The following ADGRB3 variants were observed in gnomAD, a reference collection of about 807,000 sequenced individuals.
ADGRB3 encodes adhesion G protein-coupled receptor B3, also known as brain-specific angiogenesis inhibitor 3.
ADGRB3 carries 37 observed loss-of-function variants against 193.4 expected under a neutral mutation model. That is an observed-to-expected ratio of 0.19 (90% CI 0.15 to 0.25). The LOEUF (loss-of-function observed/expected upper bound fraction) is 0.25. ADGRB3 is among the 10% of genes least tolerant of loss of function. ADGRB3 has a pLI of 1.00. For synonymous variants in ADGRB3, 690 were observed against 644.2 expected, an observed-to-expected ratio of 1.07 and a Z score of -1.08; for missense variants, 1,637 against 1,852.9, an observed-to-expected ratio of 0.88 and a Z score of 2.14.
intron 20 of ADGRB3, among the ~76,000 whole-genome samples, chr6:69,303,882 T>G (rs1331651128): frequency 6.6e-6 from 1 of 151,946 alleles, no homozygotes; most frequent in East Asian, 1.9e-4. Context: ...AATCACCTTC[T>G]GTGAAGTATG....
intron 31 of ADGRB3, among the ~76,000 whole-genome samples, chr6:69,385,551 C>T (rs980868302): frequency 4.6e-5 from 7 of 152,058 alleles, no homozygotes; most frequent in African/African-American, 1.7e-4. Flanking sequence ...TGGGAAGCTT[C>T]GTGCACTTTG....
At chr6:69,250,526 A>G (rs543497370) in intron 20 of ADGRB3, among the ~76,000 whole-genome samples, 1 of 152,230 alleles carries the variant, frequency 6.6e-6, no homozygotes, top group South Asian at 2.1e-4. Flanking sequence ...AGCTCAAAAC[A>G]TATTTATAAT....
At chr6:69,254,132 G>C (rs1766695391) in intron 20 of ADGRB3, among the ~76,000 whole-genome samples, 1 of 152,144 alleles carries the variant, frequency 6.6e-6, no homozygotes, top group African/African-American at 2.4e-5. Context: ...CAGTAAATGA[G>C]AGCAAGTTTT....
intron 3 of ADGRB3, among the ~76,000 whole-genome samples, chr6:68,724,838 T>C (rs2127326593): frequency 6.6e-6 from 1 of 151,784 alleles, no homozygotes; most frequent in Non-Finnish European, 1.5e-5. Flanking sequence ...GGAATATAAA[T>C]GAGAGCAAGA....
At chr6:69,230,518 T>A (rs1766109967) in intron 17 of ADGRB3, among the ~76,000 whole-genome samples, 1 of 152,200 alleles carries the variant, frequency 6.6e-6, no homozygotes, top group Non-Finnish European at 1.5e-5. Flanking sequence ...TTCAAAGAAT[T>A]TTTTACAGTA....
At chr6:69,302,110 T>A (rs1264796809) in intron 20 of ADGRB3, among the ~76,000 whole-genome samples, 1 of 151,878 alleles carries the variant, frequency 6.6e-6, no homozygotes, top group Non-Finnish European at 1.5e-5. Flanking sequence ...GGAAAGAATA[T>A]CTGCCTGAAC....
chr6:69,321,582 GA>G (rs1768458354), intron 20 of ADGRB3, among the ~76,000 whole-genome samples: 1 of 151,680 alleles, frequency 6.6e-6, no homozygotes, highest in Non-Finnish European at 1.5e-5. Flanking sequence ...GCTTGTAAGT[GA>G]AAAAACCCTA....
chr6:69,255,338 T>C (rs1357883278), intron 20 of ADGRB3, among the ~76,000 whole-genome samples: 1 of 152,108 alleles, frequency 6.6e-6, no homozygotes, highest in Non-Finnish European at 1.5e-5. Context: ...TGTAAAAGTG[T>C]TCCTATTTCT....
At chr6:68,856,397 G>A (rs572220460) in intron 3 of ADGRB3, among the ~76,000 whole-genome samples, 2 of 152,268 alleles carry the variant, frequency 1.3e-5, no homozygotes, top group African/African-American at 4.8e-5. Flanking sequence ...CTTGTTGAAT[G>A]TTTTTGACCA....
chr6:68,734,742 G>A (rs117798207), intron 3 of ADGRB3, among the ~76,000 whole-genome samples: 3,084 of 152,042 alleles, frequency 0.02, 32 homozygotes, highest in Middle Eastern at 0.031. Flanking sequence ...GAAAAATGAA[G>A]ATAATTCTGA....
In ADGRB3 at chr6:68,651,875, A is replaced by G. The variant is rs1030017454; in HGVS notation, c.757+12443A>G. On this transcript the variant is annotated intron_variant, in intron 3 of 31. Transcript: ENST00000370598. ...GTGTCTCCATATGTAGCCACATACAAGAAATTAATGTTTTAAACTTCCTTC... is the reference window on the plus strand; with the variant it reads ...GTGTCTCCATATGTAGCCACATACAGGAAATTAATGTTTTAAACTTCCTTC... Among the ~76,000 whole-genome samples the G allele has an allele frequency of 3.9e-5, 6 of 152,122 alleles. No individual in the cohort carries two copies. The East Asian group carries it at 7.7e-4, about 20-fold the overall frequency.
chr6:69,007,936 C>G (rs1365343533), intron 11 of ADGRB3, among the ~76,000 whole-genome samples: 1 of 152,104 alleles, frequency 6.6e-6, no homozygotes, highest in Non-Finnish European at 1.5e-5. Flanking sequence ...TCTCTGCTTT[C>G]AAGCTGGTCC....
intron 3 of ADGRB3, among the ~76,000 whole-genome samples, chr6:68,652,583 A>T (rs557453644): frequency 2.5e-4 from 38 of 152,312 alleles, no homozygotes; most frequent in African/African-American, 8.7e-4. Context: ...TTTTTCTCAC[A>T]TACTAGTTTA....
intron 3 of ADGRB3, among the ~76,000 whole-genome samples, chr6:68,873,343 TC>T (rs1221844925): frequency 6.6e-6 from 1 of 152,134 alleles, no homozygotes; most frequent in African/African-American, 2.4e-5. Context: ...TTTGGCTACT[TC>T]CTGTGAGATT....
At chr6:69,220,863 G>A (rs1041232399) in intron 17 of ADGRB3, among the ~76,000 whole-genome samples, 1 of 152,016 alleles carries the variant, frequency 6.6e-6, no homozygotes, top group Non-Finnish European at 1.5e-5. Context: ...TTGAGAAATG[G>A]AATGATGCAT....
intron 3 of ADGRB3, among the ~76,000 whole-genome samples, chr6:68,702,741 G>A: frequency 6.6e-6 from 1 of 152,142 alleles, no homozygotes; most frequent in East Asian, 1.9e-4. Flanking sequence ...TCTACAGTCA[G>A]CCAAGATAAA....
At chr6:69,048,399 T>G in intron 14 of ADGRB3, 65 bp downstream of exon 14, 1 of 1,483,448 alleles carries the variant, frequency 6.7e-7, no homozygotes, top group South Asian at 1.2e-5. Context: ...AATTAGAAAT[T>G]AGGTATAAAT....
intron 3 of ADGRB3, among the ~76,000 whole-genome samples, chr6:68,778,063 C>G (rs920176201): frequency 6.6e-6 from 1 of 152,082 alleles, no homozygotes; most frequent in African/African-American, 2.4e-5. Context: ...GTCTATGGAA[C>G]TGGCCTTTTA....
intron 20 of ADGRB3, among the ~76,000 whole-genome samples, chr6:69,315,005 C>G (rs1041054858): frequency 1.5e-4 from 22 of 151,372 alleles, no homozygotes; most frequent in African/African-American, 5.3e-4. Flanking sequence ...GGAAATGGTG[C>G]ATTTCTCTGT....
Sources: allele counts gnomAD v4.1 joint callset (sites outside exome capture counted in the v4.1 genomes callset), GRCh38; gene constraint gnomAD v4.1.1; transcripts MANE v1.5; gene names NCBI Gene and HGNC (gene_info 2026-07-23, HGNC 2026-07-21).